The following DNAH6 variants were observed in gnomAD, a reference collection of about 807,000 sequenced individuals.
The protein encoded by DNAH6 is dynein axonemal heavy chain 6, also known as axonemal beta dynein heavy chain 6.
DNAH6 carries 340 observed loss-of-function variants against 491.4 expected under a neutral mutation model. The observed-to-expected ratio is 0.69, with a 90% confidence interval of 0.63 to 0.76. The LOEUF (loss-of-function observed/expected upper bound fraction) is 0.76, where lower values mean the gene tolerates loss of function less well. DNAH6 is among the 30% of genes least tolerant of loss of function. DNAH6 has a pLI of 0.00. For synonymous variants in DNAH6, 1,603 were observed against 1,686.1 expected (o/e 0.95, Z 1.21); for missense variants, 4,443 against 4,972.2 (o/e 0.89, Z 3.20).
intron 29 of DNAH6, among the ~76,000 whole-genome samples, chr2:84,631,976 C>G (rs1252774281): frequency 1.3e-5 from 2 of 152,158 alleles, no homozygotes; most frequent in Admixed American, 6.5e-5. Flanking sequence ...CCTTGGTTCC[C>G]CACAGAGTGT....
At chr2:84,769,169 G>A (rs1021888688) in intron 64 of DNAH6, among the ~76,000 whole-genome samples, 7 of 152,212 alleles carry the variant, frequency 4.6e-5, no homozygotes, top group Non-Finnish European at 1.0e-4. Flanking sequence ...AGAGCCATGG[G>A]GATGGCAGGA....
the DNAH6 span, among the ~76,000 whole-genome samples, chr2:84,508,879 T>C: frequency 6.6e-6 from 1 of 152,238 alleles, no homozygotes; most frequent in African/African-American, 2.4e-5. Context: ...TGAGCAGTTT[T>C]GAGTGGGTTT....
At chr2:84,697,912 A>T in intron 47 of DNAH6, 185 bp downstream of exon 47, 2 of 634,110 alleles carry the variant, frequency 3.2e-6, no homozygotes, top group South Asian at 4.0e-5. Flanking sequence ...ACTTCCAGAA[A>T]GTTCTGTGGG....
chr2:84,617,062 A>G (rs1277369220), intron 23 of DNAH6, 80 bp downstream of exon 23: 3 of 753,144 alleles, frequency 4.0e-6, no homozygotes, highest in Non-Finnish European at 6.3e-6. Flanking sequence ...ATAACCTCAA[A>G]GCATGAAGGA....
At chr2:84,738,268 A>T (rs1472615991) in intron 62 of DNAH6, among the ~76,000 whole-genome samples, 3 of 152,170 alleles carry the variant, frequency 2.0e-5, no homozygotes, top group African/African-American at 4.8e-5. Context: ...ATGACCAAGC[A>T]TGTGGTCAAT....
intron 62 of DNAH6, among the ~76,000 whole-genome samples, chr2:84,736,472 A>G (rs1040181910): frequency 2.0e-5 from 3 of 152,164 alleles, no homozygotes; most frequent in South Asian, 2.1e-4. Flanking sequence ...CTTCCAACCC[A>G]TAAGTGTGGG....
intron 64 of DNAH6, among the ~76,000 whole-genome samples, chr2:84,764,807 T>G (rs886640674): frequency 1.2e-4 from 19 of 152,162 alleles, no homozygotes; most frequent in Non-Finnish European, 7.4e-5. Flanking sequence ...TATATACATT[T>G]CCTTTATCCA....
In DNAH6 at chr2:84,653,304, T is replaced by TTTTTG. The variant is rs1478939594; in HGVS notation, c.5079-9_5079-5dup. The TTTTTG allele has an allele frequency of 3.4e-6, 5 of 1,482,466 alleles. No homozygotes were observed. Among genetic ancestry groups the TTTTTG allele is most frequent in the Non-Finnish European group, 4.5e-6 (5 of 1,114,578 alleles). The allele number at this position is 1,482,466 out of a possible 1,614,324, so 91.8% of individuals were successfully genotyped here. A position where few individuals can be genotyped will look rare whatever the true frequency, so the allele number is the denominator to read the frequency against. On this transcript the variant is annotated splice_polypyrimidine_tract_variant and intron_variant, in intron 33 of 76. Transcript: ENST00000389394. ...GACCAGTTGTTCCTAATTGATTTTATTTTTGTTTTGACAGTGGAATCATAT... is the reference window on the plus strand; with the variant it reads ...GACCAGTTGTTCCTAATTGATTTTATTTTTGTTTTGTTTTGACAGTGGAATCATAT...
chr2:84,752,006 C>G (rs1673518464), intron 63 of DNAH6, among the ~76,000 whole-genome samples: 1 of 152,226 alleles, frequency 6.6e-6, no homozygotes, highest in Admixed American at 6.5e-5. Flanking sequence ...TTCCCTGAAG[C>G]ATCTTGGTTT....
intron 50 of DNAH6, 88 bp from the exon 51 acceptor site, chr2:84,703,972 CCAAAGGG>C: frequency 1.1e-6 from 1 of 941,692 alleles, no homozygotes; most frequent in Non-Finnish European, 1.6e-6. Context: ...TTATTCTAAT[CCAAAGGG>C]CAAATATGAC....
At chr2:84,602,580 G>T (rs1303640366) in intron 18 of DNAH6, among the ~76,000 whole-genome samples, 3 of 139,850 alleles carry the variant, frequency 2.1e-5, no homozygotes, top group Admixed American at 1.5e-4. Context: ...GCCTAGGTGT[G>T]CATGTGCTAT....
At chr2:84,553,628 A>ATTTTTTTTTTTTT (rs748931607) in intron 10 of DNAH6, among the ~76,000 whole-genome samples, 7 of 90,996 alleles carry the variant, frequency 7.7e-5, no homozygotes, top group Admixed American at 1.7e-4. Context: ...AGGACTGGCT[A>ATTTTTTTTTTTTT]TTTTTTTTTT....
At chr2:84,483,584 C>T in the DNAH6 span, among the ~76,000 whole-genome samples, 1 of 151,928 alleles carries the variant, frequency 6.6e-6, no homozygotes, top group East Asian at 1.9e-4. Context: ...CATGTTTCTC[C>T]CTACTCCCCC....
At chr2:84,478,210 G>A in the DNAH6 span, among the ~76,000 whole-genome samples, 1 of 152,264 alleles carries the variant, frequency 6.6e-6, no homozygotes. Context: ...AGAACTATGA[G>A]GAAAGATGAA....
At chr2:84,581,429 T>C (rs919198797) in intron 14 of DNAH6, among the ~76,000 whole-genome samples, 51 of 152,218 alleles carry the variant, frequency 3.4e-4, no homozygotes, top group African/African-American at 1.2e-3. Flanking sequence ...TGAATAAACC[T>C]GCTTTAAAGA....
intron 62 of DNAH6, among the ~76,000 whole-genome samples, chr2:84,742,203 A>G (rs1257071568): frequency 6.6e-6 from 1 of 152,168 alleles, no homozygotes; most frequent in Non-Finnish European, 1.5e-5. Context: ...TATTAATATT[A>G]TTACAGCAAG....
At chr2:84,488,264 C>A in the DNAH6 span, among the ~76,000 whole-genome samples, 4 of 152,080 alleles carry the variant, frequency 2.6e-5, no homozygotes, top group East Asian at 7.7e-4. Flanking sequence ...TCTTACTGTT[C>A]TGGAGGTCAG....
At chr2:84,698,859 A>G (rs1163605063) in intron 47 of DNAH6, among the ~76,000 whole-genome samples, 3 of 152,212 alleles carry the variant, frequency 2.0e-5, no homozygotes, top group Non-Finnish European at 4.4e-5. Flanking sequence ...CACAGCCATT[A>G]AAAATAATGA....
chr2:84,568,571 G>A (rs1441217337), intron 11 of DNAH6, among the ~76,000 whole-genome samples: 1 of 152,118 alleles, frequency 6.6e-6, no homozygotes, highest in Admixed American at 6.5e-5. Context: ...CAGGGTCTGT[G>A]GGGAGGGAGA....
Sources: gnomAD v4.1 joint callset for allele counts (sites outside exome capture counted in the v4.1 genomes callset) on GRCh38, gnomAD v4.1.1 for gene constraint, MANE v1.5 for transcripts, NCBI Gene and HGNC (gene_info 2026-07-23, HGNC 2026-07-21) for gene names.